GPBP1L1: variants seen among roughly 807,000 people sequenced by gnomAD.
GPBP1L1 encodes the protein vasculin-like protein 1.
Under a neutral mutation model 52.5 loss-of-function variants are expected in GPBP1L1, and 23 were observed. The observed-to-expected ratio is 0.44, with a 90% CI of 0.32 to 0.62. GPBP1L1 has a LOEUF of 0.62. Ranked by LOEUF, GPBP1L1 falls within the 20% of genes least tolerant of loss-of-function variation. The pLI, the probability that GPBP1L1 is intolerant of heterozygous loss-of-function variation, is 0.06. For missense variants in GPBP1L1, 596 were observed against 579.3 expected (o/e 1.03, Z -0.30); for synonymous variants, 243 against 203.1 (o/e 1.20, Z -1.67).
intron 2 of GPBP1L1, among the ~76,000 whole-genome samples, chr1:45,678,525 A>C (rs1187052965): frequency 1.3e-5 from 2 of 152,228 alleles, no homozygotes; most frequent in Non-Finnish European, 2.9e-5. Context: ...TTTAGTCAAC[A>C]ATGTTTAAAG....
At chr1:45,633,372 A>G (rs1056079861) in intron 10 of GPBP1L1, 117 bp downstream of exon 10, 5 of 1,051,080 alleles carry the variant, frequency 4.8e-6, no homozygotes, top group Non-Finnish European at 7.1e-6. Context: ...ACACCTACAG[A>G]CAGTATCTCT....
chr1:45,652,218 C>A (rs1201882678), intron 6 of GPBP1L1, among the ~76,000 whole-genome samples: 3 of 152,212 alleles, frequency 2.0e-5, no homozygotes, highest in Admixed American at 6.5e-5. Context: ...GGCAAACTTG[C>A]CCCTAGTTGA....
At chr1:45,639,633 T>C (rs1018208299) in intron 8 of GPBP1L1, among the ~76,000 whole-genome samples, 5 of 150,246 alleles carry the variant, frequency 3.3e-5, no homozygotes, top group African/African-American at 9.8e-5. Flanking sequence ...TCCCAGCACC[T>C]TGGGAGGCCG....
intron 2 of GPBP1L1, among the ~76,000 whole-genome samples, chr1:45,669,564 G>C (rs1645049595): frequency 6.6e-6 from 1 of 152,192 alleles, no homozygotes; most frequent in African/African-American, 2.4e-5. Flanking sequence ...AAGAATAACA[G>C]ACATAGTTTA....
intron 2 of GPBP1L1, among the ~76,000 whole-genome samples, chr1:45,684,274 A>G (rs1176272630): frequency 2.0e-5 from 3 of 150,578 alleles, no homozygotes; most frequent in African/African-American, 4.9e-5. Context: ...AAAAAAAAAA[A>G]AAAGAAAAAG....
At chr1:45,677,241 CAGG>C (rs1171563350) in intron 2 of GPBP1L1, among the ~76,000 whole-genome samples, 5 of 149,506 alleles carry the variant, frequency 3.3e-5, no homozygotes, top group Middle Eastern at 3.5e-3. Flanking sequence ...GAGACTAAGG[CAGG>C]AGAACTGCTT....
rs76981747 is a variant in GPBP1L1 at position 45,658,391 on chromosome 1, C to T, written c.60+637G>A. Among the ~76,000 whole-genome samples, 459 of 152,180 alleles carry T rather than the reference C, an allele frequency of 3.0e-3. 4 individuals carry two copies. Among genetic ancestry groups the T allele is most frequent in the East Asian group, 0.022 (116 of 5,182 alleles). ...ATAGGTTAGCAAGTACGTTTAATCT[C>T]CAAAGTGTGCTGCAGCTAATACAAC... is the stretch of plus-strand genomic sequence containing the variant. On this transcript the variant is annotated intron_variant, in intron 4 of 12. Coordinates refer to ENST00000355105, the MANE Select transcript of GPBP1L1 (RefSeq NM_021639.5).
intron 2 of GPBP1L1, among the ~76,000 whole-genome samples, chr1:45,669,709 C>T (rs1645052126): frequency 6.6e-6 from 1 of 151,644 alleles, no homozygotes. Context: ...GTGTATTCCA[C>T]AAAATAGAAA....
chr1:45,651,799 T>C, intron 6 of GPBP1L1: 1 of 283,158 alleles, frequency 3.5e-6, no homozygotes, highest in Non-Finnish European at 6.6e-6. Flanking sequence ...GCCAACTTCT[T>C]CCCCTTGCCC....
rs543200879 is a variant in GPBP1L1 at position 45,658,742 on chromosome 1, C to T, written c.60+286G>A. On this transcript the variant is annotated intron_variant, in intron 4 of 12. Coordinates refer to ENST00000355105, the MANE Select transcript of GPBP1L1 (RefSeq NM_021639.5). ...CTTAGGAGTTGAAAACCAGCCTGGG[C>T]AACATGGTGAAATTCCATCTCTATA... 1.1e-5 allele frequency: 4 copies of T among 378,836 alleles called. No individual in the cohort carries two copies. In the South Asian group the frequency reaches 2.3e-4, roughly 21 times the overall value. 23.5% of individuals were successfully genotyped at this position (378,836 alleles called of 1,614,324 possible).
intron 1 of GPBP1L1, among the ~76,000 whole-genome samples, chr1:45,685,851 GC>G (rs1245257805): frequency 3.3e-5 from 5 of 152,094 alleles, no homozygotes; most frequent in African/African-American, 4.8e-5. Flanking sequence ...AGCTTTCCCT[GC>G]CCCTCCAAGG....
At chr1:45,686,018 C>T (rs576105123) in intron 1 of GPBP1L1, among the ~76,000 whole-genome samples, 1 of 152,182 alleles carries the variant, frequency 6.6e-6, no homozygotes, top group South Asian at 2.1e-4. Flanking sequence ...TGAAGGAAAA[C>T]AAAAGCCCTT....
At chr1:45,673,704 A>C (rs772351773) in intron 2 of GPBP1L1, among the ~76,000 whole-genome samples, 3 of 152,280 alleles carry the variant, frequency 2.0e-5, no homozygotes. Flanking sequence ...TACTAAAAAT[A>C]CAAAAAAATT....
Position 45,628,227 on chromosome 1 carries a change from G to A in GPBP1L1, c.*29C>T. 1 of 1,606,868 alleles carries A rather than the reference G, an allele frequency of 6.2e-7. No individual in the cohort carries two copies. Among genetic ancestry groups the A allele is most frequent in the South Asian group, 1.1e-5 (1 of 90,920 alleles). ...TCCCTAAACACACAGAGTTTACTGG[G>A]TCAGATTTAACTGTGAGCATTTATA... On this transcript the variant is annotated 3_prime_UTR_variant, in exon 13 of 13. Transcript: ENST00000355105.
At position 45,656,731 on chromosome 1, in the gene GPBP1L1, T is replaced by C. The variant is rs559475936; in HGVS notation, c.61-1412A>G. On this transcript the variant is annotated intron_variant, in intron 4 of 12. Coordinates refer to ENST00000355105, the MANE Select transcript of GPBP1L1 (RefSeq NM_021639.5). ...CCCAGGCTGGAGTACAGTAGCCCGA[T>C]CACAGCTCACTGTAGCCTCAAACTC... Among the ~76,000 whole-genome samples the C allele has an allele frequency of 2.2e-3, 334 of 151,636 alleles. 4 individuals carry two copies. Among genetic ancestry groups the C allele is most frequent in the African/African-American group, 7.7e-3 (318 of 41,342 alleles).
chr1:45,684,131 C>T lies in GPBP1L1; in HGVS notation c.-1098+1445G>A, dbSNP rs1003546511. On this transcript the variant is annotated intron_variant, in intron 2 of 12. Transcript: ENST00000355105. ...AAATTAGCCAGGCGTAGTGGTGAGC[C>T]CCTGTAATACCAGCTACTCGGGAGG... 6.7e-5 allele frequency among the ~76,000 whole-genome samples: 10 copies of T among 149,930 alleles called. No individual in the cohort carries two copies. In the East Asian group the frequency reaches 2.0e-3, roughly 30 times the overall value.
chr1:45,668,101 A>C (rs1431700029), intron 2 of GPBP1L1, among the ~76,000 whole-genome samples: 1 of 151,996 alleles, frequency 6.6e-6, no homozygotes, highest in African/African-American at 2.4e-5. Flanking sequence ...TCACTCACCC[A>C]TTTATTCCTC....
chr1:45,675,285 G>C (rs1645125679), intron 2 of GPBP1L1, among the ~76,000 whole-genome samples: 2 of 151,762 alleles, frequency 1.3e-5, no homozygotes, highest in Non-Finnish European at 1.5e-5. Context: ...AACAGAGCGA[G>C]ACTCTGTCTC....
chr1:45,635,129 GTTTTA>G (rs1557695626), intron 8 of GPBP1L1: 1 of 152,266 alleles, frequency 6.6e-6, no homozygotes, highest in Non-Finnish European at 1.5e-5. Context: ...TGGTCAGTCT[GTTTTA>G]TTTAATTCTT....
Sources: allele counts gnomAD v4.1 joint callset (sites outside exome capture counted in the v4.1 genomes callset), GRCh38; gene constraint gnomAD v4.1.1; transcripts MANE v1.5; gene names NCBI Gene and HGNC (gene_info 2026-07-23, HGNC 2026-07-21).